The following RSPO2 variants were observed in gnomAD, a reference collection of about 807,000 sequenced individuals.
RSPO2 encodes the protein R-spondin-2.
Under a neutral mutation model 30.9 loss-of-function variants are expected in RSPO2, and 14 were observed. That is an observed-to-expected ratio of 0.45 (90% confidence interval 0.30 to 0.71). RSPO2 has a LOEUF of 0.71. Among genes scored for constraint, RSPO2 ranks in the 30% least tolerant of loss-of-function variants. The probability of loss-of-function intolerance (pLI) is 0.08; values close to 1 mark genes in which losing one functional copy is unlikely to be tolerated. For synonymous variants in RSPO2, 107 were observed against 96.4 expected, an observed-to-expected ratio of 1.11 and a Z score of -0.64; for missense variants, 264 against 301.9, an observed-to-expected ratio of 0.87 and a Z score of 0.93.
chr8:108,066,471 T>C (rs1312573805), intron 2 of RSPO2, among the ~76,000 whole-genome samples: 3 of 152,184 alleles, frequency 2.0e-5, no homozygotes, highest in Non-Finnish European at 2.9e-5. Context: ...AATGTCATTT[T>C]ACTACTGCTG....
chr8:107,946,203 A>C (rs1029270597), intron 5 of RSPO2, among the ~76,000 whole-genome samples: 3 of 152,242 alleles, frequency 2.0e-5, no homozygotes, highest in Non-Finnish European at 4.4e-5. Flanking sequence ...CCTGTGAAGC[A>C]AGCATCTGTT....
intron 5 of RSPO2, among the ~76,000 whole-genome samples, chr8:107,913,130 A>G (rs1236280350): frequency 2.6e-5 from 4 of 152,324 alleles, no homozygotes; most frequent in African/African-American, 7.2e-5. Flanking sequence ...TCAGAGAGGT[A>G]AAGTAAACCT....
intron 2 of RSPO2, among the ~76,000 whole-genome samples, chr8:108,067,102 T>A (rs780250145): frequency 3.3e-5 from 5 of 152,228 alleles, no homozygotes; most frequent in African/African-American, 7.2e-5. Context: ...GAAAATTGAC[T>A]TTTCTTTTTC....
chr8:108,064,767 C>A (rs13267314), intron 2 of RSPO2, among the ~76,000 whole-genome samples: 38,222 of 152,044 alleles, frequency 0.25, 4,953 homozygotes, highest in East Asian at 0.43. Flanking sequence ...ATACTTGGAA[C>A]CAACCCAAAT....
intron 2 of RSPO2, among the ~76,000 whole-genome samples, chr8:108,062,406 C>A (rs980787337): frequency 4.6e-5 from 7 of 151,830 alleles, no homozygotes; most frequent in Non-Finnish European, 1.0e-4. Flanking sequence ...ATACTATAAA[C>A]ACCTCTACAC....
intron 2 of RSPO2, among the ~76,000 whole-genome samples, chr8:108,072,270 G>A (rs1281809777): frequency 1.3e-5 from 2 of 151,232 alleles, no homozygotes; most frequent in Non-Finnish European, 2.9e-5. Context: ...ACCAGGAAGA[G>A]GCATGAGAAC....
intron 2 of RSPO2, among the ~76,000 whole-genome samples, chr8:108,029,054 CTTTTTTTTTTTTTTTTTTT>C (rs71308771): frequency 0.023 from 598 of 26,188 alleles, 12 homozygotes; most frequent in African/African-American, 0.039. Context: ...TAACATGAGT[CTTTTTTTTTTTTTTTTTTT>C]TTTTTTTTTT....
chr8:108,057,875 A>G (rs200882368), intron 2 of RSPO2, among the ~76,000 whole-genome samples: 14 of 152,188 alleles, frequency 9.2e-5, no homozygotes, highest in South Asian at 2.1e-4. Flanking sequence ...GAGATTTTGG[A>G]CTGAGACAAT....
Position 107,925,001 on chromosome 8 carries a change from C to G in RSPO2, c.617-23811G>C, listed in dbSNP as rs116700252. On this transcript the variant is annotated intron_variant, in intron 5 of 5. Transcript: ENST00000276659. ...TATACAATTACAATAAGATCACTAT[C>G]CTGCACTCAGATAAACCTCATAGCT... 4.3e-3 allele frequency among the ~76,000 whole-genome samples: 648 copies of G among 152,128 alleles called. 4 individuals are homozygous for G. Among genetic ancestry groups the G allele is most frequent in the African/African-American group, 0.011 (472 of 41,506 alleles).
intron 3 of RSPO2, among the ~76,000 whole-genome samples, chr8:107,974,893 T>C (rs968197846): frequency 1.1e-4 from 17 of 152,118 alleles, no homozygotes; most frequent in Non-Finnish European, 2.2e-4. Context: ...TGTTTGTTAA[T>C]TGAACAAGAC....
At chr8:107,904,171 G>A (rs1811564767) in intron 5 of RSPO2, among the ~76,000 whole-genome samples, 1 of 151,932 alleles carries the variant, frequency 6.6e-6, no homozygotes, top group Admixed American at 6.6e-5. Flanking sequence ...GTGGATGCGG[G>A]ATTAGACTTG....
intron 3 of RSPO2, among the ~76,000 whole-genome samples, chr8:107,969,174 C>T (rs1052460001): frequency 4.6e-5 from 7 of 152,114 alleles, no homozygotes; most frequent in African/African-American, 1.7e-4. Flanking sequence ...TTACCTATAT[C>T]ATACAATAAA....
At chr8:108,003,938 C>T (rs1007462647) in intron 2 of RSPO2, among the ~76,000 whole-genome samples, 1 of 152,086 alleles carries the variant, frequency 6.6e-6, no homozygotes, top group Non-Finnish European at 1.5e-5. Context: ...TGCATTATAC[C>T]ATAATTTAAA....
chr8:108,016,776 T>C (rs561197306), intron 2 of RSPO2, among the ~76,000 whole-genome samples: 1 of 152,232 alleles, frequency 6.6e-6, no homozygotes, highest in East Asian at 1.9e-4. Flanking sequence ...TCTCATAAGA[T>C]GTGGTTGTTA....
chr8:107,951,639 C>T (rs1235558534), intron 5 of RSPO2, among the ~76,000 whole-genome samples: 3 of 152,022 alleles, frequency 2.0e-5, no homozygotes, highest in East Asian at 3.9e-4. Context: ...ACGTGCTGCC[C>T]CAGACTACAT....
chr8:107,986,076 A>C (rs187240227), intron 3 of RSPO2, among the ~76,000 whole-genome samples: 1 of 152,330 alleles, frequency 6.6e-6, no homozygotes, highest in East Asian at 1.9e-4. Context: ...TTGAGCGATA[A>C]TCTTTTAAGG....
chr8:107,980,935 A>T (rs969021053), intron 3 of RSPO2, among the ~76,000 whole-genome samples: 5 of 152,176 alleles, frequency 3.3e-5, no homozygotes, highest in Non-Finnish European at 7.3e-5. Context: ...TATCAGTTTC[A>T]TATGCAACCT....
intron 2 of RSPO2, among the ~76,000 whole-genome samples, chr8:108,037,495 A>G (rs1350013669): frequency 6.6e-6 from 1 of 152,240 alleles, no homozygotes; most frequent in African/African-American, 2.4e-5. Context: ...TGAAACAGTA[A>G]GTATTGATGT....
At chr8:107,976,545 G>A (rs1007628972) in intron 3 of RSPO2, among the ~76,000 whole-genome samples, 2 of 152,312 alleles carry the variant, frequency 1.3e-5, no homozygotes, top group Admixed American at 1.3e-4. Flanking sequence ...GGTCTGGAAT[G>A]TCAAAAGGCA....
Sources: gnomAD v4.1 joint callset for allele counts (sites outside exome capture counted in the v4.1 genomes callset) on GRCh38, gnomAD v4.1.1 for gene constraint, MANE v1.5 for transcripts, NCBI Gene and HGNC (gene_info 2026-07-23, HGNC 2026-07-21) for gene names.